The following SLC6A6 variants were observed in gnomAD, a reference collection of about 807,000 sequenced individuals.
SLC6A6 encodes solute carrier family 6 member 6.
In SLC6A6, 16 loss-of-function variants were observed where a neutral mutation model predicts 68.8. The ratio of observed to expected loss-of-function variants is 0.23; its 90% CI spans 0.16 to 0.35. The LOEUF (loss-of-function observed/expected upper bound fraction) is 0.35. SLC6A6 is among the 10% of genes least tolerant of loss of function. The pLI is 1.00. For synonymous variants in SLC6A6, 312 were observed against 315.4 expected (o/e 0.99, Z 0.12); for missense variants, 474 against 802.8 (o/e 0.59, Z 4.95).
intron 6 of SLC6A6, among the ~76,000 whole-genome samples, chr3:14,466,265 T>TAAAAA (rs11310077): frequency 2.7e-5 from 3 of 110,264 alleles, no homozygotes; most frequent in Non-Finnish European, 3.8e-5. Flanking sequence ...GTCTCAAATT[T>TAAAAA]AAAAAAAAAA....
intron 10 of SLC6A6, among the ~76,000 whole-genome samples, chr3:14,473,157 A>G (rs914305322): frequency 7.2e-5 from 11 of 152,222 alleles, no homozygotes; most frequent in African/African-American, 2.7e-4. Flanking sequence ...CTCGGAGGAC[A>G]ATTCACTTGA....
At chr3:14,446,967 T>A (rs79487402) in intron 4 of SLC6A6, among the ~76,000 whole-genome samples, 1,710 of 152,242 alleles carry the variant, frequency 0.011, 35 homozygotes, top group African/African-American at 0.04. Flanking sequence ...ATTAAACCAC[T>A]CAGTAATTAG....
intron 14 of SLC6A6, among the ~76,000 whole-genome samples, chr3:14,482,050 G>C (rs1428359876): frequency 6.6e-6 from 1 of 152,248 alleles, no homozygotes; most frequent in African/African-American, 2.4e-5. Flanking sequence ...GCTTTATGGA[G>C]ACATTGGAAG....
intron 2 of SLC6A6, among the ~76,000 whole-genome samples, chr3:14,421,409 G>A (rs753553704): frequency 2.0e-5 from 3 of 152,112 alleles, no homozygotes; most frequent in Non-Finnish European, 2.9e-5. Context: ...GTTTAACCTC[G>A]CTGTGGGCTT....
Position 14,402,968 on chromosome 3 carries a change from C to G in SLC6A6, c.-54+121C>G. On this transcript the variant is annotated intron_variant, in intron 1 of 14. Transcript: ENST00000622186. This position sits in a 1 kb window ranked among gnomAD's most constrained non-coding sequence, Gnocchi z 4.8. ...CCTCCGCGTGCGCCCATCCGGCGCCCCTTTCACCACCGCGGAAGGGACCGA... is the reference window on the plus strand; with the variant it reads ...CCTCCGCGTGCGCCCATCCGGCGCCGCTTTCACCACCGCGGAAGGGACCGA... 2.6e-6 allele frequency: 1 copy of G among 381,866 alleles called. No homozygotes were observed. The highest frequency in any genetic ancestry group is 4.6e-6 in the Non-Finnish European group (1 of 215,558). The allele number at this position is 381,866 out of a possible 1,614,324, so 23.7% of individuals were successfully genotyped here.
rs1186527036 is a variant in SLC6A6 at position 14,472,536 on chromosome 3, G to C, written c.1209+219G>C. 6.6e-6 allele frequency among the ~76,000 whole-genome samples: 1 copy of C among 152,244 alleles called. No individual in the cohort carries two copies. Among genetic ancestry groups the C allele is most frequent in the Non-Finnish European group, 1.5e-5 (1 of 68,052 alleles). ...CAAGATAATTATTTAGCCTAATGGAGTGCAAACAAGACGTGGCATGGCACA... is the reference window on the plus strand; with the variant it reads ...CAAGATAATTATTTAGCCTAATGGACTGCAAACAAGACGTGGCATGGCACA... On this transcript the variant is annotated intron_variant, in intron 10 of 14. Coordinates refer to ENST00000622186, the MANE Select transcript of SLC6A6 (RefSeq NM_003043.6). This position sits in a 1 kb window ranked among gnomAD's most constrained non-coding sequence, Gnocchi z 4.5.
At chr3:14,466,131 G>A (rs1700611430) in intron 6 of SLC6A6, among the ~76,000 whole-genome samples, 1 of 152,018 alleles carries the variant, frequency 6.6e-6, no homozygotes, top group Non-Finnish European at 1.5e-5. Flanking sequence ...GCATGGTGGT[G>A]GGCACCCGTA....
chr3:14,447,509 C>A (rs1162712983), intron 4 of SLC6A6, 73 bp from the exon 5 acceptor site: 72 of 1,581,966 alleles, frequency 4.6e-5, no homozygotes, highest in Middle Eastern at 1.7e-4. Flanking sequence ...CCATGGCCTT[C>A]CAGTTGAGTA....
chr3:14,458,010 C>T lies in SLC6A6; in HGVS notation c.660C>T (p.Leu220=), dbSNP rs749118284. The T allele has an allele frequency of 9.3e-6, 15 of 1,613,658 alleles. No homozygotes were observed. Among genetic ancestry groups the T allele is most frequent in the African/African-American group, 2.7e-5 (2 of 74,926 alleles). ...IDHPGSLKWD[L]ALCLLLVWLV... ...ACCCAGGCTCTCTGAAATGGGACCT[C>T]GCTCTCTGCCTTCTTTTAGTCTGGC... Residue 220 remains leucine (L), a synonymous_variant, in exon 6 of 15, where the codon CTC becomes CTT. Transcript: ENST00000622186.
chr3:14,473,238 A>G (rs1415897535), intron 10 of SLC6A6, among the ~76,000 whole-genome samples: 2 of 152,216 alleles, frequency 1.3e-5, no homozygotes, highest in Non-Finnish European at 2.9e-5. Flanking sequence ...AGTTCAGAGC[A>G]CAGGCATGAC....
chr3:14,423,928 C>T (rs1468600377), intron 2 of SLC6A6, among the ~76,000 whole-genome samples: 5 of 152,058 alleles, frequency 3.3e-5, no homozygotes, highest in Admixed American at 6.5e-5. Flanking sequence ...CCTGTGTGGC[C>T]GAGTCTGGAA....
Position 14,453,198 on chromosome 3 carries a change from G to A in SLC6A6, c.600-4752G>A, listed in dbSNP as rs913333735. On this transcript the variant is annotated intron_variant, in intron 5 of 14. Transcript: ENST00000622186. ...AAACGATTTGGCCCGCTAGGAGGAC[G>A]TATTTACATCTCTGAGTGCCGGCTG... Among the ~76,000 whole-genome samples the A allele has an allele frequency of 1.8e-4, 27 of 152,234 alleles. 1 individual carries two copies. The highest frequency in any genetic ancestry group is 1.6e-3 in the Admixed American group (25 of 15,294).
intron 2 of SLC6A6, among the ~76,000 whole-genome samples, chr3:14,426,502 A>T (rs974645781): frequency 2.6e-5 from 4 of 152,262 alleles, no homozygotes; most frequent in African/African-American, 9.6e-5. Flanking sequence ...AAGCCCCATT[A>T]GACTCTAAGA....
At chr3:14,445,943 C>T in intron 4 of SLC6A6, 92 bp downstream of exon 4, 1 of 1,296,002 alleles carries the variant, frequency 7.7e-7, no homozygotes. Flanking sequence ...TCCATTGGAG[C>T]CTCATGCACA....
intron 1 of SLC6A6, among the ~76,000 whole-genome samples, chr3:14,404,686 G>A (rs1699066223): frequency 6.6e-6 from 1 of 152,250 alleles, no homozygotes; most frequent in Non-Finnish European, 1.5e-5. Context: ...AAGGACACCA[G>A]TGCCGGCCTC....
intron 1 of SLC6A6, among the ~76,000 whole-genome samples, chr3:14,404,665 G>A (rs1272485614): frequency 6.6e-6 from 1 of 152,256 alleles, no homozygotes. Context: ...CGGCTTGGCT[G>A]CCTGGGCAGC....
Position 14,468,266 on chromosome 3 carries a change from C to T in SLC6A6, c.1096+54C>T, listed in dbSNP as rs946973819. 9.7e-5 allele frequency: 151 copies of T among 1,549,682 alleles called. 4 individuals are homozygous for T. In the South Asian group the frequency reaches 1.6e-3, roughly 17 times the overall value. On this transcript the variant is annotated intron_variant, in intron 9 of 14. Transcript: ENST00000622186. The surrounding 1 kb of genome is among the most constrained non-coding windows in gnomAD (Gnocchi z 4.5). ...GGGCACTGCCACCTAGTGTGTAAGCCAAGTACTGCAGGCATGAAGCCAGAC... is the reference window on the plus strand; with the variant it reads ...GGGCACTGCCACCTAGTGTGTAAGCTAAGTACTGCAGGCATGAAGCCAGAC...
intron 1 of SLC6A6, among the ~76,000 whole-genome samples, chr3:14,415,292 G>A (rs1189006141): frequency 2.0e-5 from 3 of 152,218 alleles, no homozygotes; most frequent in African/African-American, 7.2e-5. Flanking sequence ...GAATGTGGAG[G>A]CCCTAACAAA....
At chr3:14,406,783 G>T (rs1299145674) in intron 1 of SLC6A6, among the ~76,000 whole-genome samples, 1 of 152,210 alleles carries the variant, frequency 6.6e-6, no homozygotes, top group African/African-American at 2.4e-5. Flanking sequence ...TTGCTGTTCT[G>T]TTTCTAAAGC....
Sources: gnomAD v4.1 joint callset for allele counts (sites outside exome capture counted in the v4.1 genomes callset) on GRCh38, gnomAD v4.1.1 for gene constraint, Gnocchi (gnomAD v3.1) non-coding constraint, MANE v1.5 for transcripts, NCBI Gene and HGNC (gene_info 2026-07-23, HGNC 2026-07-21) for gene names.